The following COL4A1 variants were observed in gnomAD, a reference collection of about 807,000 sequenced individuals.
COL4A1 encodes the protein collagen type IV alpha 1 chain, also known as collagen alpha-1(IV) chain.
A neutral mutation model predicts 216.6 loss-of-function variants in COL4A1; 40 were observed. That is an observed-to-expected ratio of 0.18 (90% CI 0.14 to 0.24). The LOEUF is 0.24. Among genes scored for constraint, COL4A1 ranks in the 10% least tolerant of loss-of-function variants. The pLI is 1.00. For missense variants in COL4A1, 1,628 were observed against 2,196.8 expected, an observed-to-expected ratio of 0.74 and a Z score of 5.18; for synonymous variants, 839 against 810.7, an observed-to-expected ratio of 1.03 and a Z score of -0.59.
At chr13:110,184,236 C>A (rs1380228500) in intron 26 of COL4A1, among the ~76,000 whole-genome samples, 1 of 152,308 alleles carries the variant, frequency 6.6e-6, no homozygotes, top group African/African-American at 2.4e-5. Flanking sequence ...TCCCCAGAAG[C>A]CTTCTTCCCC....
intron 1 of COL4A1, among the ~76,000 whole-genome samples, chr13:110,273,415 T>C (rs1283587405): frequency 6.6e-6 from 1 of 152,180 alleles, no homozygotes; most frequent in Non-Finnish European, 1.5e-5. Flanking sequence ...GAAGCTTTTT[T>C]ACCTAAATCA....
intron 1 of COL4A1, among the ~76,000 whole-genome samples, chr13:110,259,598 C>A (rs1367591255): frequency 6.6e-6 from 1 of 152,178 alleles, no homozygotes; most frequent in Non-Finnish European, 1.5e-5. Flanking sequence ...TTTACTGGAA[C>A]AATTCACTAT....
intron 26 of COL4A1, among the ~76,000 whole-genome samples, chr13:110,185,434 G>A (rs1194760659): frequency 2.0e-5 from 3 of 152,140 alleles, no homozygotes; most frequent in Non-Finnish European, 2.9e-5. Flanking sequence ...GTGAGCCACC[G>A]CACCTGGCCC....
rs945543406 is a variant in COL4A1, at chr13:110,224,613, G to A, written c.145-10598C>T. ...GCTGGTATTACAGGTGTGAGCCAAC[G>A]CTCCTGACCTAATTTTTTTTCTTAT... On this transcript the variant is annotated intron_variant, in intron 2 of 51. Transcript: ENST00000375820. Among the ~76,000 whole-genome samples the A allele has an allele frequency of 3.3e-5, 5 of 152,284 alleles. No homozygotes were observed. The South Asian group carries it at 1.0e-3, about 32-fold the overall frequency.
At chr13:110,270,270 G>A (rs1366906377) in intron 1 of COL4A1, among the ~76,000 whole-genome samples, 2 of 152,186 alleles carry the variant, frequency 1.3e-5, no homozygotes, top group Non-Finnish European at 2.9e-5. Flanking sequence ...GATAAATATT[G>A]TTTTTAGTGC....
intron 1 of COL4A1, among the ~76,000 whole-genome samples, chr13:110,279,519 T>C (rs1216147415): frequency 6.6e-6 from 1 of 152,200 alleles, no homozygotes; most frequent in Non-Finnish European, 1.5e-5. Flanking sequence ...CCTGAACCTG[T>C]GTTAGACACA....
intron 1 of COL4A1, among the ~76,000 whole-genome samples, chr13:110,287,936 A>T (rs1385394638): frequency 6.6e-6 from 1 of 152,174 alleles, no homozygotes; most frequent in Non-Finnish European, 1.5e-5. Context: ...AAACGCTGAC[A>T]ACAGACCAAG....
intron 2 of COL4A1, among the ~76,000 whole-genome samples, chr13:110,221,301 G>T (rs1880466972): frequency 6.6e-6 from 1 of 152,090 alleles, no homozygotes; most frequent in African/African-American, 2.4e-5. Flanking sequence ...TCTGATCCAT[G>T]AAAATCCACT....
chr13:110,199,193 G>A lies in COL4A1; in HGVS notation c.1121-562C>T, dbSNP rs112090291. 1.1e-4 allele frequency among the ~76,000 whole-genome samples: 17 copies of A among 152,332 alleles called. 1 individual carries two copies. The East Asian group carries it at 2.9e-3, about 26-fold the overall frequency. ...GCCCCTGGGAGAGCTGAGGCCGGACGCAGGGCTTGAGAGAGTGGTGGTGCA... is the reference window on the plus strand; with the variant it reads ...GCCCCTGGGAGAGCTGAGGCCGGACACAGGGCTTGAGAGAGTGGTGGTGCA... On this transcript the variant is annotated intron_variant, in intron 20 of 51. Transcript: ENST00000375820.
intron 26 of COL4A1, among the ~76,000 whole-genome samples, chr13:110,183,499 C>T (rs1878271523): frequency 6.6e-6 from 1 of 152,118 alleles, no homozygotes; most frequent in Admixed American, 6.5e-5. Flanking sequence ...CCAAAATGAC[C>T]AAGATGTTTG....
intron 2 of COL4A1, among the ~76,000 whole-genome samples, chr13:110,238,563 C>T (rs941094543): frequency 4.6e-5 from 7 of 152,238 alleles, no homozygotes; most frequent in Non-Finnish European, 5.9e-5. Context: ...CCAGGGATCA[C>T]TTCCTTCTCA....
Position 110,299,118 on chromosome 13 carries a change from G to A in COL4A1, c.84+7826C>T, listed in dbSNP as rs970866218. Among the ~76,000 whole-genome samples the A allele has an allele frequency of 2.0e-5, 3 of 152,208 alleles. No individual in the cohort carries two copies. In the South Asian group the frequency reaches 6.2e-4, roughly 31 times the overall value. ...AATCAACGGAAAAAGAAGACAAAGA[G>A]AACGGGGAGGGCCATGTTACACGCA... On this transcript the variant is annotated intron_variant, in intron 1 of 51. Coordinates refer to ENST00000375820, the MANE Select transcript of COL4A1 (RefSeq NM_001845.6).
intron 1 of COL4A1, among the ~76,000 whole-genome samples, chr13:110,287,785 C>A (rs375598615): frequency 6.6e-6 from 1 of 152,224 alleles, no homozygotes; most frequent in African/African-American, 2.4e-5. Context: ...CCAAGAGAAA[C>A]GTTTCCTTTC....
chr13:110,251,069 A>G (rs1566414218), intron 1 of COL4A1, among the ~76,000 whole-genome samples: 1 of 152,190 alleles, frequency 6.6e-6, no homozygotes, highest in Non-Finnish European at 1.5e-5. Flanking sequence ...CCTATTTTAC[A>G]GGCACCCTTT....
chr13:110,210,467 G>T (rs1879740207), intron 8 of COL4A1, among the ~76,000 whole-genome samples: 1 of 151,056 alleles, frequency 6.6e-6, no homozygotes, highest in Non-Finnish European at 1.5e-5. Flanking sequence ...AAAGCAAAGG[G>T]GTCTGCCACA....
intron 8 of COL4A1, 128 bp from the exon 9 acceptor site, chr13:110,210,340 T>C (rs1224860542): frequency 7.1e-6 from 6 of 848,884 alleles, no homozygotes; most frequent in Non-Finnish European, 1.2e-5. Flanking sequence ...TTAGACCCCG[T>C]CTACACTGGA....
chr13:110,205,690 C>T, intron 15 of COL4A1, 152 bp from the exon 16 acceptor site: 1 of 809,522 alleles, frequency 1.2e-6, no homozygotes, highest in East Asian at 2.7e-5. Flanking sequence ...TGGCGAAATC[C>T]CGTCTCCACT....
At chr13:110,194,018 G>C (rs552345371) in intron 22 of COL4A1, among the ~76,000 whole-genome samples, 1 of 152,300 alleles carries the variant, frequency 6.6e-6, no homozygotes, top group African/African-American at 2.4e-5. Flanking sequence ...GGGATGGATA[G>C]CTAAGATTGC....
intron 1 of COL4A1, among the ~76,000 whole-genome samples, chr13:110,282,805 C>T (rs927550491): frequency 6.6e-6 from 1 of 152,190 alleles, no homozygotes; most frequent in South Asian, 2.1e-4. Flanking sequence ...TAAGTATTCA[C>T]AAGCTTTCTG....
Sources: allele counts gnomAD v4.1 joint callset (sites outside exome capture counted in the v4.1 genomes callset), GRCh38; gene constraint gnomAD v4.1.1; transcripts MANE v1.5; gene names NCBI Gene and HGNC (gene_info 2026-07-23, HGNC 2026-07-21).